The following MANBA variants were observed in gnomAD, a reference collection of about 807,000 sequenced individuals.
MANBA encodes the protein mannosidase beta.
MANBA carries 83 observed loss-of-function variants against 111.1 expected under a neutral mutation model. The observed-to-expected ratio is 0.75, with a 90% CI of 0.63 to 0.90. The LOEUF (loss-of-function observed/expected upper bound fraction) is 0.90, where lower values mean the gene tolerates loss of function less well. MANBA is among the 40% of genes least tolerant of loss of function. The probability of loss-of-function intolerance (pLI) is 0.00; values close to 1 mark genes in which losing one functional copy is unlikely to be tolerated. For missense variants in MANBA, 1,036 were observed against 1,069.0 expected (o/e 0.97, Z 0.43); for synonymous variants, 370 against 378.7 (o/e 0.98, Z 0.27).
At chr4:102,756,569 G>A (rs1227136659) in intron 1 of MANBA, among the ~76,000 whole-genome samples, 1 of 151,868 alleles carries the variant, frequency 6.6e-6, no homozygotes, top group Non-Finnish European at 1.5e-5. Flanking sequence ...CATGGCACAT[G>A]TATACATATG....
intron 12 of MANBA, among the ~76,000 whole-genome samples, chr4:102,655,484 A>C (rs1434599821): frequency 2.6e-5 from 4 of 152,240 alleles, no homozygotes; most frequent in African/African-American, 9.6e-5. Context: ...CAGAATTGAG[A>C]ATTCAGAAAT....
intron 1 of MANBA, among the ~76,000 whole-genome samples, chr4:102,751,219 G>A (rs1723776730): frequency 6.6e-6 from 1 of 152,178 alleles, no homozygotes; most frequent in Admixed American, 6.5e-5. Flanking sequence ...ACAGACTCAT[G>A]GCTCCTTAGA....
chr4:102,639,627 T>C, intron 14 of MANBA, 86 bp downstream of exon 14: 1 of 1,565,472 alleles, frequency 6.4e-7, no homozygotes, highest in African/African-American at 1.3e-5. Flanking sequence ...TGGGCTAATC[T>C]GACCCCTCCA....
intron 4 of MANBA, among the ~76,000 whole-genome samples, chr4:102,719,252 C>T (rs939507755): frequency 4.6e-5 from 7 of 152,140 alleles, no homozygotes; most frequent in South Asian, 2.1e-4. Flanking sequence ...AAGAATTCAG[C>T]GATATTTCTC....
chr4:102,760,612 C>T, intron 1 of MANBA, 106 bp downstream of exon 1: 2 of 1,242,578 alleles, frequency 1.6e-6, no homozygotes, highest in South Asian at 1.6e-5. Flanking sequence ...ACTACCAAAC[C>T]GACGAGAATG....
At chr4:102,702,643 C>T (rs957362854) in intron 5 of MANBA, among the ~76,000 whole-genome samples, 1 of 152,046 alleles carries the variant, frequency 6.6e-6, no homozygotes, top group African/African-American at 2.4e-5. Context: ...GTAGAAACCA[C>T]TATTTTTAAG....
Position 102,634,916 on chromosome 4 carries a change from T to C in MANBA, c.2287A>G (p.Asn763Asp). The change falls in exon 16 of 17, where the codon AAT (asparagine) becomes GAT (aspartate). Residue 763 changes from asparagine (N) to aspartate (D), a missense_variant. By Grantham distance (23) the Asn-to-Asp change is conservative. Transcript: ENST00000647097. Reference sequence around the variant, plus strand: ...ACCACACAGCTTTCCCGTGTGCAATTCCCACATCTCCTCAGCAATTCAGAC... The same window carrying C: ...ACCACACAGCTTTCCCGTGTGCAATCCCCACATCTCCTCAGCAATTCAGAC... Reference protein sequence around the residue: ...PVSELLRRCGNCTRESCVVSF... With the variant: ...PVSELLRRCGDCTRESCVVSF... The C allele has an allele frequency of 6.2e-7, 1 of 1,614,124 alleles. No individual in the cohort carries two copies. The highest frequency in any genetic ancestry group is 8.5e-7 in the Non-Finnish European group (1 of 1,180,026).
At position 102,671,426 on chromosome 4, in the gene MANBA, A is replaced by G. The variant is rs571096641; in HGVS notation, c.1113-28T>C. On this transcript the variant is annotated intron_variant, in intron 8 of 16. Transcript: ENST00000647097. ...GTAGAAGACATTTTAGAAACAAATCATAATTTGGAAAAAAAAAACAGATTG... is the reference window on the plus strand; with the variant it reads ...GTAGAAGACATTTTAGAAACAAATCGTAATTTGGAAAAAAAAAACAGATTG... 7 of 1,356,384 alleles carry G rather than the reference A, an allele frequency of 5.2e-6. No individual in the cohort carries two copies. In the African/African-American group the frequency reaches 1.0e-4, roughly 19 times the overall value. 84.0% of individuals were successfully genotyped at this position (1,356,384 alleles called of 1,614,324 possible). A position where few individuals can be genotyped will look rare whatever the true frequency, so the allele number is the denominator to read the frequency against.
intron 7 of MANBA, among the ~76,000 whole-genome samples, chr4:102,689,299 A>C (rs956035723): frequency 6.6e-6 from 1 of 151,322 alleles, no homozygotes; most frequent in Non-Finnish European, 1.5e-5. Context: ...CAGTGAGCCA[A>C]GATTGCACCA....
At chr4:102,666,281 C>G (rs56892365) in intron 10 of MANBA, 1 of 152,166 alleles carries the variant, frequency 6.6e-6, no homozygotes, top group Non-Finnish European at 1.5e-5. Flanking sequence ...ATTATTTATA[C>G]GAAAGAAAAC....
Position 102,760,844 on chromosome 4 carries a change from G to A in MANBA, c.51C>T (p.Thr17=), listed in dbSNP as rs1316924248. The change falls in exon 1 of 17, where the codon ACC becomes ACT. Residue 17 remains threonine, a synonymous_variant. Transcript: ENST00000647097. ...LLLALCGAGT[T]AAELSYSLRG... ...GCAAGCTGTAACTGAGCTCCGCGGC[G>A]GTGGTGCCTGCACCGCACAGCGCGA... The A allele has an allele frequency of 1.3e-6, 2 of 1,571,016 alleles. No homozygotes were observed. The highest frequency in any genetic ancestry group is 2.3e-5 in the East Asian group (1 of 42,894).
At chr4:102,669,136 C>T (rs1465941922) in intron 9 of MANBA, 87 bp from the exon 10 acceptor site, 1 of 1,038,194 alleles carries the variant, frequency 9.6e-7, no homozygotes, top group Non-Finnish European at 1.5e-6. Flanking sequence ...TGGGCATTAT[C>T]TTTCACACAA....
chr4:102,659,547 T>A (rs1730827557), intron 11 of MANBA, among the ~76,000 whole-genome samples: 1 of 152,184 alleles, frequency 6.6e-6, no homozygotes, highest in Non-Finnish European at 1.5e-5. Flanking sequence ...ACTCCATTTT[T>A]TTCTTAATCT....
At chr4:102,697,988 T>C (rs1211165919) in intron 5 of MANBA, among the ~76,000 whole-genome samples, 1 of 151,734 alleles carries the variant, frequency 6.6e-6, no homozygotes. Flanking sequence ...TGTAAAAGTG[T>C]TCCTATTTCT....
At chr4:102,730,613 T>C (rs1485733482) in intron 1 of MANBA, 2 of 541,900 alleles carry the variant, frequency 3.7e-6, no homozygotes, top group African/African-American at 1.9e-5. Flanking sequence ...GACAAGTTGA[T>C]GCCATTGCTG....
chr4:102,694,402 T>C (rs1444831798), intron 5 of MANBA, among the ~76,000 whole-genome samples: 1 of 152,184 alleles, frequency 6.6e-6, no homozygotes, highest in Non-Finnish European at 1.5e-5. Context: ...CCAGTAGTTT[T>C]CCTGATGTTC....
At chr4:102,666,107 G>A (rs1349109732) in intron 10 of MANBA, 1 of 152,200 alleles carries the variant, frequency 6.6e-6, no homozygotes, top group Non-Finnish European at 1.5e-5. Flanking sequence ...AAATCCTGAA[G>A]TGGCAAAAAG....
intron 12 of MANBA, among the ~76,000 whole-genome samples, chr4:102,655,100 G>A (rs1016948621): frequency 3.3e-5 from 5 of 152,080 alleles, no homozygotes; most frequent in African/African-American, 1.2e-4. Flanking sequence ...AATAGCGTCA[G>A]GAAGAATAAA....
intron 7 of MANBA, among the ~76,000 whole-genome samples, chr4:102,674,686 G>A (rs1454973417): frequency 6.6e-6 from 1 of 152,230 alleles, no homozygotes; most frequent in Non-Finnish European, 1.5e-5. Flanking sequence ...GTGCTCTGGA[G>A]AGGAAGCAGA....
Sources: allele counts gnomAD v4.1 joint callset (sites outside exome capture counted in the v4.1 genomes callset), GRCh38; gene constraint gnomAD v4.1.1; transcripts MANE v1.5; gene names NCBI Gene and HGNC (gene_info 2026-07-23, HGNC 2026-07-21).